Variants in UGT1A9 observed in about 807,000 individuals in gnomAD.
UGT1A9 encodes UDP glucuronosyltransferase family 1 member A9.
In UGT1A9, 35 loss-of-function variants were observed where a neutral mutation model predicts 45.0. The observed-to-expected ratio is 0.78, with a 90% CI of 0.59 to 1.03. The LOEUF (loss-of-function observed/expected upper bound fraction) is 1.03. Among genes scored for constraint, UGT1A9 ranks in the 50% least tolerant of loss-of-function variants. The pLI is 0.00. For synonymous variants in UGT1A9, 278 were observed against 250.6 expected, an observed-to-expected ratio of 1.11 and a Z score of -1.03; for missense variants, 687 against 666.6, an observed-to-expected ratio of 1.03 and a Z score of -0.34.
chr2:233,747,590 G>A, intron 1 of UGT1A9: 3 of 1,576,970 alleles, frequency 1.9e-6, no homozygotes, highest in Non-Finnish European at 2.6e-6. Context: ...TCTTTCATAG[G>A]TCTTGTGTGG....
At chr2:233,717,415 G>A (rs565971108) in intron 1 of UGT1A9, among the ~76,000 whole-genome samples, 4 of 152,300 alleles carry the variant, frequency 2.6e-5, no homozygotes, top group African/African-American at 9.6e-5. Flanking sequence ...TGCCTCCCTT[G>A]AGCTGGGTGT....
At chr2:233,755,200 G>T in intron 1 of UGT1A9, 1 of 1,105,696 alleles carries the variant, frequency 9.0e-7, no homozygotes, top group Non-Finnish European at 1.3e-6. Context: ...GCCAGCTTGC[G>T]GTACGCCTTC....
At chr2:233,693,078 T>C (rs751253746) in intron 1 of UGT1A9, 2 of 1,614,188 alleles carry the variant, frequency 1.2e-6, no homozygotes, top group South Asian at 2.2e-5. Flanking sequence ...GGCATGGTTG[T>C]AGGTGACAAG....
At chr2:233,699,371 A>G (rs2075501772) in intron 1 of UGT1A9, among the ~76,000 whole-genome samples, 2 of 152,194 alleles carry the variant, frequency 1.3e-5, no homozygotes, top group South Asian at 4.1e-4. Flanking sequence ...TGGTATGGCT[A>G]GATTTCAAAT....
At chr2:233,692,857 T>G (rs2075117463) in intron 1 of UGT1A9, 1 of 1,468,162 alleles carries the variant, frequency 6.8e-7, no homozygotes, top group South Asian at 1.5e-5. Context: ...ATTTGGGTTC[T>G]TACATATCAA....
chr2:233,672,291 A>T lies in UGT1A9; in HGVS notation c.357A>T (p.Leu119Phe). The T allele has an allele frequency of 1.2e-6, 2 of 1,613,742 alleles. No individual in the cohort carries two copies. The highest frequency in any genetic ancestry group is 8.5e-7 in the Non-Finnish European group (1 of 1,179,796). The change falls in exon 1 of 5, where the codon TTA becomes TTT. Residue 119 changes from leucine (L) to phenylalanine (F), a missense_variant. Physicochemically the swap from Leu to Phe is conservative, Grantham distance 22 (BLOSUM62 0). Coordinates refer to ENST00000354728, the MANE Select transcript of UGT1A9 (RefSeq NM_021027.3). ...GTTCATACAATGACATTTTTGACTT[A>T]TTTTTTTCAAATTGCAGGAGTTTGT... ...LMGSYNDIFD[L>F]FFSNCRSLFK...
At position 233,773,233 on chromosome 2, in the gene UGT1A9, G is replaced by A. The variant is rs1473113676; in HGVS notation, c.*674G>A. 1 of 152,016 alleles carries A rather than the reference G, an allele frequency of 6.6e-6. No homozygotes were observed. The highest frequency in any genetic ancestry group is 1.5e-5 in the Non-Finnish European group (1 of 67,958). The allele number at this position is 152,016 out of a possible 1,614,324, so 9.4% of individuals were successfully genotyped here. ...CCCAAAATACAGCTATGAAGTGCTGGGCAAGTTTACTTTTTTTCTGATGTT... is the reference window on the plus strand; with the variant it reads ...CCCAAAATACAGCTATGAAGTGCTGAGCAAGTTTACTTTTTTTCTGATGTT... On this transcript the variant is annotated 3_prime_UTR_variant, in exon 5 of 5. Transcript: ENST00000354728.
At position 233,748,684 on chromosome 2, in the gene UGT1A9, A is replaced by C. The variant is rs576819549; in HGVS notation, c.856-18350A>C. On this transcript the variant is annotated intron_variant, in intron 1 of 4. Transcript: ENST00000354728. ...TCCAGAGAGGGATCTGTGCTGACAA[A>C]AGATTTTTCTGGTCAGGATTTGGGG... Among the ~76,000 whole-genome samples, 46 of 151,796 alleles carry C rather than the reference A, an allele frequency of 3.0e-4. 1 individual carries two copies. Among genetic ancestry groups the C allele is most frequent in the Non-Finnish European group, 4.4e-4 (30 of 68,030 alleles).
At chr2:233,731,204 C>G (rs755932690) in intron 1 of UGT1A9, among the ~76,000 whole-genome samples, 2 of 151,184 alleles carry the variant, frequency 1.3e-5, no homozygotes, top group Non-Finnish European at 2.9e-5. Context: ...TTATAAAATA[C>G]GTGTTTATTT....
chr2:233,762,689 A>G (rs1362623162), intron 1 of UGT1A9, among the ~76,000 whole-genome samples: 1 of 148,448 alleles, frequency 6.7e-6, no homozygotes, highest in Non-Finnish European at 1.5e-5. Context: ...TTTCTTTCTC[A>G]TTCATCTTTT....
intron 1 of UGT1A9, among the ~76,000 whole-genome samples, chr2:233,744,310 G>A (rs1252338874): frequency 6.6e-6 from 1 of 151,840 alleles, no homozygotes; most frequent in Non-Finnish European, 1.5e-5. Context: ...CAGGAGGGAA[G>A]AGGGTGGTGG....
At chr2:233,684,565 T>C (rs1023847969) in intron 1 of UGT1A9, among the ~76,000 whole-genome samples, 1 of 152,232 alleles carries the variant, frequency 6.6e-6, no homozygotes, top group South Asian at 2.1e-4. Flanking sequence ...GAGAGATCTA[T>C]AAAATATGAA....
rs1178608845 is a variant in UGT1A9, at chr2:233,760,418, T to A, written c.856-6616T>A. The A allele has an allele frequency of 8.7e-6, 14 of 1,614,198 alleles. No homozygotes were observed. The highest frequency in any genetic ancestry group is 1.1e-5 in the Non-Finnish European group (13 of 1,180,018). On this transcript the variant is annotated intron_variant, in intron 1 of 4. Transcript: ENST00000354728. ...GATGGCAGCCACTGGCTGAGCATGC[T>A]TGGGGCCATCCAGCAGCTGCAGCAG...
At chr2:233,716,951 C>A (rs2076535717) in intron 1 of UGT1A9, among the ~76,000 whole-genome samples, 1 of 152,156 alleles carries the variant, frequency 6.6e-6, no homozygotes, top group Non-Finnish European at 1.5e-5. Flanking sequence ...TTCCCAGGCA[C>A]CAGGAATGTG....
At chr2:233,744,122 C>T in intron 1 of UGT1A9, 1 of 368,854 alleles carries the variant, frequency 2.7e-6, no homozygotes, top group Non-Finnish European at 5.1e-6. Flanking sequence ...CTCTGTGAGG[C>T]TCTGTGAGGC....
intron 1 of UGT1A9, chr2:233,682,553 A>G (rs2074583970): frequency 1.2e-6 from 2 of 1,613,774 alleles, no homozygotes; most frequent in Non-Finnish European, 1.7e-6. Flanking sequence ...TTTCAAGGAG[A>G]GAGTATGGAA....
At chr2:233,713,812 T>C (rs1478961341) in intron 1 of UGT1A9, 1 of 1,613,968 alleles carries the variant, frequency 6.2e-7, no homozygotes, top group Non-Finnish European at 8.5e-7. Flanking sequence ...CCCAACATGG[T>C]CTTCATTGGG....
chr2:233,760,894 C>A, intron 1 of UGT1A9: 1 of 1,614,174 alleles, frequency 6.2e-7, no homozygotes, highest in Non-Finnish European at 8.5e-7. Context: ...TCATTCAGAT[C>A]ACATGACCTT....
At chr2:233,748,104 T>A in intron 1 of UGT1A9, 2 of 1,612,628 alleles carry the variant, frequency 1.2e-6, no homozygotes, top group Non-Finnish European at 1.7e-6. Flanking sequence ...CTTCATCCAA[T>A]CAATGTTCCA....
Sources: gnomAD v4.1 joint callset for allele counts (sites outside exome capture counted in the v4.1 genomes callset) on GRCh38, gnomAD v4.1.1 for gene constraint, MANE v1.5 for transcripts, NCBI Gene and HGNC (gene_info 2026-07-23, HGNC 2026-07-21) for gene names.